The following ACAN variants were observed in gnomAD, a reference collection of about 807,000 sequenced individuals.
ACAN encodes the protein aggrecan core protein.
ACAN carries 47 observed loss-of-function variants against 169.1 expected under a neutral mutation model. The ratio of observed to expected loss-of-function variants is 0.28; its 90% CI spans 0.22 to 0.35. The LOEUF is 0.35. Among genes scored for constraint, ACAN ranks in the 10% least tolerant of loss-of-function variants. ACAN has a pLI of 1.00. For synonymous variants in ACAN, 1,115 were observed against 1,112.2 expected, an observed-to-expected ratio of 1.00 and a Z score of -0.05; for missense variants, 2,716 against 2,759.9, an observed-to-expected ratio of 0.98 and a Z score of 0.36.
chr15:88,866,507 C>T lies in ACAN; in HGVS notation c.6947-1709C>T, dbSNP rs1232218664. 6.6e-6 allele frequency among the ~76,000 whole-genome samples: 1 copy of T among 152,132 alleles called. No individual in the cohort carries two copies. On this transcript the variant is annotated intron_variant, in intron 13 of 18. Transcript: ENST00000560601. The surrounding 1 kb of genome is among the most constrained non-coding windows in gnomAD (Gnocchi z 5.6). ...TGCATGCTGGGATTTCAGTCTGTTC[C>T]TCCATGCATTTTGGGTTTGCTTGGA... is the stretch of plus-strand genomic sequence containing the variant.
In ACAN at chr15:88,841,824, C is replaced by G. The variant is rs368549781; in HGVS notation, c.714C>G (p.Thr238=). ...TGAGGACGTATGGCATCCGAGACAC[C>G]AACGAGACCTATGATGTGTACTGCT... ...PGVRTYGIRD[T]NETYDVYCFA... Residue 238 remains threonine (T), a synonymous_variant, in exon 5 of 19, where the codon ACC becomes ACG. Transcript: ENST00000560601. The G allele has an allele frequency of 6.2e-7, 1 of 1,613,338 alleles. No individual in the cohort carries two copies. The highest frequency in any genetic ancestry group is 1.3e-5 in the African/African-American group (1 of 74,742).
chr15:88,860,186 A>C, intron 12 of ACAN, 140 bp from the exon 13 acceptor site: 1 of 496,930 alleles, frequency 2.0e-6, no homozygotes. Flanking sequence ...CCCAGGAGGG[A>C]CAGAGGCCTC....
intron 6 of ACAN, among the ~76,000 whole-genome samples, chr15:88,845,072 C>T (rs942186049): frequency 1.4e-4 from 21 of 152,228 alleles, no homozygotes; most frequent in Admixed American, 9.2e-4. Flanking sequence ...CCACCTTCAT[C>T]AACTTCACAA....
rs1169595623 is a variant in ACAN, at chr15:88,858,643, G to A, written c.6058G>A (p.Val2020Ile). 1.2e-6 allele frequency: 2 copies of A among 1,613,944 alleles called. No individual in the cohort carries two copies. Among genetic ancestry groups the A allele is most frequent in the South Asian group, 1.1e-5 (1 of 91,086 alleles). The change falls in exon 12 of 19, where the codon GTA becomes ATA. Residue 2020 changes from valine (V) to isoleucine (I), a missense_variant. Val to Ile is a conservative substitution (Grantham distance 29). Around this residue, in one of 3 missense-constraint regions of ACAN, gnomAD observed 1,389 missense variants for 1,363.7 expected, o/e 1.02. Coordinates refer to ENST00000560601, the MANE Select transcript of ACAN (RefSeq NM_001369268.1). The surrounding 1 kb of genome is among the most constrained non-coding windows in gnomAD (Gnocchi z 4.0). ...STTNVSGESS[V>I]AMGTSGEASG... ...CACCAATGTAAGTGGAGAATCCTCT[G>A]TAGCCATGGGCACCAGTGGAGAGGC...
Position 88,849,781 on chromosome 15 carries a change from C to T in ACAN, c.2026+50C>T, listed in dbSNP as rs1472722351. On this transcript the variant is annotated intron_variant, in intron 10 of 18. Transcript: ENST00000560601. This position sits in a 1 kb window ranked among gnomAD's most constrained non-coding sequence, Gnocchi z 5.1. The stretch of plus-strand genomic sequence containing the variant: ...ACAGCCCCTTTTGTCTGGAGAGGAC[C>T]CCACTGGGTTCACCGGATCCTGCCA... The T allele has an allele frequency of 6.3e-7, 1 of 1,594,132 alleles. No homozygotes were observed.
intron 10 of ACAN, chr15:88,850,103 G>A (rs1596140767): frequency 1.7e-6 from 1 of 572,010 alleles, no homozygotes; most frequent in Non-Finnish European, 3.1e-6. Context: ...GGTGCCCTTG[G>A]CATAGTGCCT....
rs781159162 is a variant in ACAN, at chr15:88,874,000, G to A, written c.7606G>A (p.Glu2536Lys). The part of the protein sequence containing the change: ...IRCQPSGHWE[E>K]PQITCTDPTT... ...GTGCCAGCCCAGCGGGCACTGGGAG[G>A]AGCCTCAGATCACCTGCACAGACCG... is the stretch of plus-strand genomic sequence containing the variant. Residue 2536 changes from glutamate (E) to lysine (K), a missense_variant, in exon 18 of 19, where the codon GAG becomes AAG. Physicochemically the swap from Glu to Lys is moderately conservative, Grantham distance 56. Coordinates refer to ENST00000560601, the MANE Select transcript of ACAN (RefSeq NM_001369268.1). The surrounding 1 kb of genome is among the most constrained non-coding windows in gnomAD (Gnocchi z 7.5). The A allele has an allele frequency of 1.2e-6, 2 of 1,612,186 alleles. No homozygotes were observed. Among genetic ancestry groups the A allele is most frequent in the Non-Finnish European group, 1.7e-6 (2 of 1,179,782 alleles).
At position 88,849,142 on chromosome 15, in the gene ACAN, C is replaced by T. The variant is rs12903666; in HGVS notation, c.1733-296C>T. On this transcript the variant is annotated intron_variant, in intron 9 of 18. Transcript: ENST00000560601. The surrounding 1 kb of genome is among the most constrained non-coding windows in gnomAD (Gnocchi z 5.1). ...GAGTGGAGAATCCAGAAAAGAGGGA[C>T]GGAGGAGAAGTTGTTGTGGAAACAA... 0.48 allele frequency among the ~76,000 whole-genome samples: 72,918 copies of T among 152,140 alleles called. 19,839 individuals carry two copies. Among genetic ancestry groups the T allele is most frequent in the Non-Finnish European group, 0.64 (43,167 of 67,976 alleles).
intron 1 of ACAN, among the ~76,000 whole-genome samples, chr15:88,806,508 C>A (rs1290221081): frequency 6.6e-6 from 1 of 152,050 alleles, no homozygotes; most frequent in Non-Finnish European, 1.5e-5. Flanking sequence ...TACCACCACG[C>A]CCGGCTAATT....
Position 88,853,634 on chromosome 15 carries a change from T to C in ACAN, c.2267-1218T>C, listed in dbSNP as rs992742847. 7.9e-5 allele frequency among the ~76,000 whole-genome samples: 12 copies of C among 151,162 alleles called. 1 individual carries two copies. The highest frequency in any genetic ancestry group is 8.8e-5 in the Non-Finnish European group (6 of 67,834). ...GCCTGGGCAACAGAGCAAGACCCTC[T>C]CTCCAAAAAAAAAGAAAGAAATGTA... is the stretch of plus-strand genomic sequence containing the variant. On this transcript the variant is annotated intron_variant, in intron 11 of 18. Transcript: ENST00000560601.
chr15:88,807,582 G>T lies in ACAN; in HGVS notation c.-8+3773G>T, dbSNP rs1895713587. On this transcript the variant is annotated intron_variant, in intron 1 of 18. Coordinates refer to ENST00000560601, the MANE Select transcript of ACAN (RefSeq NM_001369268.1). The surrounding 1 kb of genome is among the most constrained non-coding windows in gnomAD (Gnocchi z 4.0). The stretch of plus-strand genomic sequence containing the variant: ...CACTGGGAGGCCGGCAGAACAAGGG[G>T]AGGGCTGGAGAAGGAGCGGGAGTGC... Among the ~76,000 whole-genome samples the T allele has an allele frequency of 6.6e-6, 1 of 152,210 alleles. No individual in the cohort carries two copies. The highest frequency in any genetic ancestry group is 6.5e-5 in the Admixed American group (1 of 15,286).
intron 1 of ACAN, among the ~76,000 whole-genome samples, chr15:88,811,673 C>A (rs1183640831): frequency 6.6e-6 from 1 of 152,158 alleles, no homozygotes; most frequent in Non-Finnish European, 1.5e-5. Context: ...CACCTGCCTC[C>A]CCTATGTGAG....
Position 88,839,480 on chromosome 15 carries a change from C to T in ACAN, c.454+434C>T, listed in dbSNP as rs150814786. On this transcript the variant is annotated intron_variant, in intron 3 of 18. Transcript: ENST00000560601. The surrounding 1 kb of genome is among the most constrained non-coding windows in gnomAD (Gnocchi z 4.5). ...GAAGCCAAAGCAAGGGCTGAAGACTCCCTGGTCTCTTTCTCTCCATGGCCC... is the reference window on the plus strand; with the variant it reads ...GAAGCCAAAGCAAGGGCTGAAGACTTCCTGGTCTCTTTCTCTCCATGGCCC... Among the ~76,000 whole-genome samples the T allele has an allele frequency of 1.5e-3, 223 of 152,350 alleles. 1 individual carries two copies. The highest frequency in any genetic ancestry group is 3.4e-3 in the Middle Eastern group (1 of 294).
At chr15:88,864,574 A>C (rs961092368) in intron 13 of ACAN, among the ~76,000 whole-genome samples, 2 of 152,140 alleles carry the variant, frequency 1.3e-5, no homozygotes, top group African/African-American at 2.4e-5. Flanking sequence ...CTATATTTTT[A>C]ATTTAATTAA....
intron 7 of ACAN, among the ~76,000 whole-genome samples, 189 bp from the exon 8 acceptor site, chr15:88,847,054 G>A (rs1003226064): frequency 6.6e-6 from 1 of 152,232 alleles, no homozygotes. Flanking sequence ...TCCCACGCAG[G>A]GGAGGGGCAG....
In ACAN at chr15:88,849,798, A is replaced by G. The variant is rs776974972; in HGVS notation, c.2026+67A>G. The G allele has an allele frequency of 2.6e-6, 4 of 1,561,970 alleles. No individual in the cohort carries two copies. In the East Asian group the frequency reaches 9.4e-5, roughly 37 times the overall value. On this transcript the variant is annotated intron_variant, in intron 10 of 18. Transcript: ENST00000560601. The surrounding 1 kb of genome is among the most constrained non-coding windows in gnomAD (Gnocchi z 5.1). ...GAGAGGACCCCACTGGGTTCACCGG[A>G]TCCTGCCACCACCCAGTATCCCATC...
In ACAN at chr15:88,843,563, C is replaced by T. The variant is rs1236763173; in HGVS notation, c.966C>T (p.Leu322=). The change falls in exon 6 of 19, where the codon CTC becomes CTT. Residue 322 remains leucine (L), a synonymous_variant. Coordinates refer to ENST00000560601, the MANE Select transcript of ACAN (RefSeq NM_001369268.1). This position sits in a 1 kb window ranked among gnomAD's most constrained non-coding sequence, Gnocchi z 4.0. ...CCCGGCCCAACTGCGGTGGCAACCTCCTGGGCGTGAGGACCGTCTACGTGC... is the reference window on the plus strand; with the variant it reads ...CCCGGCCCAACTGCGGTGGCAACCTTCTGGGCGTGAGGACCGTCTACGTGC... ...SKARPNCGGN[L]LGVRTVYVHA... 4.3e-6 allele frequency: 7 copies of T among 1,612,618 alleles called. No homozygotes were observed. In the South Asian group the frequency reaches 7.7e-5, roughly 18 times the overall value.
At chr15:88,831,641 G>A (rs1281254294) in intron 1 of ACAN, among the ~76,000 whole-genome samples, 1 of 152,236 alleles carries the variant, frequency 6.6e-6, no homozygotes, top group Non-Finnish European at 1.5e-5. Context: ...TGGGAATTAT[G>A]AGGGCCAGGC....
chr15:88,873,997 G>A lies in ACAN; in HGVS notation c.7603G>A (p.Glu2535Lys). ...TIRCQPSGHWEEPQITCTDPT... is the reference protein window; with the variant it reads ...TIRCQPSGHWKEPQITCTDPT... ...CCGGTGCCAGCCCAGCGGGCACTGG[G>A]AGGAGCCTCAGATCACCTGCACAGA... Residue 2535 changes from glutamate (E) to lysine (K), a missense_variant, in exon 18 of 19, where the codon GAG (glutamate) becomes AAG (lysine). Coordinates refer to ENST00000560601, the MANE Select transcript of ACAN (RefSeq NM_001369268.1). The surrounding 1 kb of genome is among the most constrained non-coding windows in gnomAD (Gnocchi z 7.5). The A allele has an allele frequency of 1.2e-6, 2 of 1,612,338 alleles. No individual in the cohort carries two copies. The highest frequency in any genetic ancestry group is 1.7e-6 in the Non-Finnish European group (2 of 1,179,796).
Sources: gnomAD v4.1 joint callset for allele counts (sites outside exome capture counted in the v4.1 genomes callset) on GRCh38, gnomAD v4.1.1 for gene constraint, gnomAD v4.1.1 regional missense constraint, Gnocchi (gnomAD v3.1) non-coding constraint, MANE v1.5 for transcripts, NCBI Gene and HGNC (gene_info 2026-07-23, HGNC 2026-07-21) for gene names.